PKIG: variants seen among roughly 807,000 people sequenced by gnomAD.
PKIG encodes the protein cAMP-dependent protein kinase inhibitor gamma.
Under a neutral mutation model 6.8 loss-of-function variants are expected in PKIG, and 1 was observed. That is an observed-to-expected ratio of 0.15 (90% confidence interval 0.05 to 0.69). PKIG has a LOEUF of 0.69. Among genes scored for constraint, PKIG ranks in the 30% least tolerant of loss-of-function variants. The probability of loss-of-function intolerance (pLI) is 0.82; values close to 1 mark genes in which losing one functional copy is unlikely to be tolerated. For missense variants in PKIG, 77 were observed against 104.0 expected (o/e 0.74, Z 1.13); for synonymous variants, 39 against 43.0 (o/e 0.91, Z 0.36).
In PKIG at chr20:44,618,337, G is replaced by T; in HGVS notation, c.204G>T (p.Gln68His). The T allele has an allele frequency of 1.2e-6, 2 of 1,613,126 alleles. No individual in the cohort carries two copies. The highest frequency in any genetic ancestry group is 1.1e-5 in the South Asian group (1 of 91,046). ...ACAAGGAAGCTGGCAACCAGCCCCA[G>T]AGCAGCGATGGGACCACCTCGTCTT... ...APDKEAGNQP[Q>H]SSDGTTSS is the part of the protein sequence containing the mutation. The change falls in exon 4 of 4, where the codon CAG (glutamine) becomes CAT (histidine). Residue 68 changes from glutamine (Q) to histidine (H), a missense_variant. Transcript: ENST00000372886.
In PKIG at chr20:44,610,195, G is replaced by A. The variant is rs953219410; in HGVS notation, c.-23-4339G>A. 2.0e-5 allele frequency among the ~76,000 whole-genome samples: 3 copies of A among 152,276 alleles called. No individual in the cohort carries two copies. In the East Asian group the frequency reaches 5.8e-4, roughly 29 times the overall value. On this transcript the variant is annotated intron_variant, in intron 2 of 3. Coordinates refer to ENST00000372886, the MANE Select transcript of PKIG (RefSeq NM_001281445.2). ...TGCTGTAGCCGGGGGGAATTGCCGTGGACAGTGTCCTGGCCCTCCTCTATT... is the reference window on the plus strand; with the variant it reads ...TGCTGTAGCCGGGGGGAATTGCCGTAGACAGTGTCCTGGCCCTCCTCTATT...
chr20:44,541,715 C>T (rs982150481), intron 1 of PKIG, among the ~76,000 whole-genome samples: 20 of 131,444 alleles, frequency 1.5e-4, no homozygotes, highest in African/African-American at 3.5e-4. Flanking sequence ...TTTTTTGAGA[C>T]GGGGTTTTGC....
intron 2 of PKIG, among the ~76,000 whole-genome samples, chr20:44,593,607 T>C (rs921299485): frequency 6.6e-6 from 1 of 152,068 alleles, no homozygotes; most frequent in Admixed American, 6.6e-5. Context: ...AGAAGGGTTG[T>C]TGGGGAAATG....
In PKIG at chr20:44,587,634, G is replaced by A. The variant is rs545074290; in HGVS notation, c.-93-2163G>A. 3.2e-4 allele frequency among the ~76,000 whole-genome samples: 49 copies of A among 152,042 alleles called. No individual in the cohort carries two copies. In the South Asian group the frequency reaches 1.0e-2, roughly 31 times the overall value. ...TTTTCTGATTGCAAAATTAGAATATGTTCAAGGGAAGAAAAGCTAGATAGT... is the reference window on the plus strand; with the variant it reads ...TTTTCTGATTGCAAAATTAGAATATATTCAAGGGAAGAAAAGCTAGATAGT... On this transcript the variant is annotated intron_variant, in intron 1 of 3. Transcript: ENST00000372886.
chr20:44,578,849 T>C (rs1212602198), upstream of PKIG, among the ~76,000 whole-genome samples: 2 of 152,104 alleles, frequency 1.3e-5, no homozygotes, highest in Non-Finnish European at 2.9e-5. Flanking sequence ...GAGATCCTTA[T>C]GGGGTTAAAT....
chr20:44,565,724 A>T (rs1362016111), intron 1 of PKIG, among the ~76,000 whole-genome samples: 1 of 152,160 alleles, frequency 6.6e-6, no homozygotes, highest in Non-Finnish European at 1.5e-5. Flanking sequence ...AATAGCCCTG[A>T]CTTTAATATG....
intron 1 of PKIG, among the ~76,000 whole-genome samples, chr20:44,550,189 G>A (rs948009324): frequency 1.3e-5 from 2 of 149,778 alleles, no homozygotes; most frequent in African/African-American, 4.9e-5. Flanking sequence ...TCTCACACAA[G>A]CGTTGTTAGA....
At chr20:44,546,121 A>G (rs2064611627) in intron 1 of PKIG, among the ~76,000 whole-genome samples, 1 of 151,998 alleles carries the variant, frequency 6.6e-6, no homozygotes, top group African/African-American at 2.4e-5. Flanking sequence ...GTGGTGGTGC[A>G]TGCCTGTACT....
chr20:44,590,643 C>G (rs917490061), intron 2 of PKIG, among the ~76,000 whole-genome samples: 2 of 152,238 alleles, frequency 1.3e-5, no homozygotes, highest in African/African-American at 4.8e-5. Flanking sequence ...AGGCATCCAT[C>G]AGCATCCATG....
intron 2 of PKIG, among the ~76,000 whole-genome samples, chr20:44,592,955 A>G (rs1186445714): frequency 1.3e-5 from 2 of 152,184 alleles, no homozygotes; most frequent in Non-Finnish European, 2.9e-5. Context: ...AAATAATCCT[A>G]AAATTCCTAT....
chr20:44,593,908 G>A (rs975842606), intron 2 of PKIG, among the ~76,000 whole-genome samples: 2 of 152,166 alleles, frequency 1.3e-5, no homozygotes, highest in Non-Finnish European at 2.9e-5. Flanking sequence ...CCAGGTCACA[G>A]GAAGCCATCA....
intron 2 of PKIG, among the ~76,000 whole-genome samples, chr20:44,613,326 C>T (rs956968718): frequency 3.9e-5 from 6 of 152,152 alleles, no homozygotes; most frequent in Non-Finnish European, 5.9e-5. Flanking sequence ...CCACCACGCC[C>T]GGCTAATTTT....
At chr20:44,554,343 A>G (rs573675827) in intron 1 of PKIG, among the ~76,000 whole-genome samples, 7 of 152,100 alleles carry the variant, frequency 4.6e-5, no homozygotes, top group African/African-American at 1.7e-4. Flanking sequence ...CAGCCTCCCA[A>G]AGTGCTAGGA....
chr20:44,534,580 T>G (rs2064495975), intron 1 of PKIG, among the ~76,000 whole-genome samples: 1 of 152,010 alleles, frequency 6.6e-6, no homozygotes. Flanking sequence ...GCGATCCACC[T>G]GCCTCAGCCC....
intron 2 of PKIG, among the ~76,000 whole-genome samples, chr20:44,610,117 C>T (rs145291908): frequency 6.6e-6 from 1 of 152,198 alleles, no homozygotes; most frequent in Non-Finnish European, 1.5e-5. Flanking sequence ...GGAGCCAGAG[C>T]GTGACTAGGG....
At chr20:44,605,457 T>C (rs974857848) in intron 2 of PKIG, among the ~76,000 whole-genome samples, 1 of 150,330 alleles carries the variant, frequency 6.7e-6, no homozygotes, top group Admixed American at 6.6e-5. Flanking sequence ...CAATACACAG[T>C]TTTGTATGTA....
chr20:44,618,311 G>C lies in PKIG; in HGVS notation c.178G>C (p.Asp60His), dbSNP rs2123497377. The part of the protein sequence containing the change: ...AEGQVEGSAP[D>H]KEAGNQPQSS... ...AGGACAGGTGGAGGGAAGCGCCCCA[G>C]ACAAGGAAGCTGGCAACCAGCCCCA... is the stretch of plus-strand genomic sequence containing the variant. The change falls in exon 4 of 4, where the codon GAC (aspartate) becomes CAC (histidine). Residue 60 changes from aspartate (D) to histidine (H), a missense_variant. Coordinates refer to ENST00000372886, the MANE Select transcript of PKIG (RefSeq NM_001281445.2). 6.2e-7 allele frequency: 1 copy of C among 1,613,564 alleles called. No homozygotes were observed. The highest frequency in any genetic ancestry group is 1.1e-5 in the South Asian group (1 of 91,060).
At chr20:44,557,630 C>G (rs897935663) in intron 1 of PKIG, among the ~76,000 whole-genome samples, 52 of 146,288 alleles carry the variant, frequency 3.6e-4, no homozygotes, top group African/African-American at 1.3e-3. Flanking sequence ...ACCATCCTGG[C>G]TAACACAATG....
chr20:44,614,524 G>C lies in PKIG; in HGVS notation c.-23-10G>C, dbSNP rs779637355. The C allele has an allele frequency of 4.4e-6, 7 of 1,608,824 alleles. No individual in the cohort carries two copies. The highest frequency in any genetic ancestry group is 6.0e-6 in the Non-Finnish European group (7 of 1,176,356). On this transcript the variant is annotated splice_polypyrimidine_tract_variant and intron_variant, in intron 2 of 3. Transcript: ENST00000372886. This position sits in a 1 kb window ranked among gnomAD's most constrained non-coding sequence, Gnocchi z 4.6. ...ACTTACCTCTGCCCCCTTGCCTTCT[G>C]TCCCCACAGGCCTGAGGAGCGATGC...
Sources: gnomAD v4.1 joint callset for allele counts (sites outside exome capture counted in the v4.1 genomes callset) on GRCh38, gnomAD v4.1.1 for gene constraint, Gnocchi (gnomAD v3.1) non-coding constraint, MANE v1.5 for transcripts, NCBI Gene and HGNC (gene_info 2026-07-23, HGNC 2026-07-21) for gene names.